The following GALNTL6 variants were observed in gnomAD, a reference collection of about 807,000 sequenced individuals.
The protein encoded by GALNTL6 is polypeptide N-acetylgalactosaminyltransferase-like 6.
Under a neutral mutation model 73.7 loss-of-function variants are expected in GALNTL6, and 46 were observed. The ratio of observed to expected loss-of-function variants is 0.62; its 90% CI spans 0.49 to 0.80. The LOEUF (loss-of-function observed/expected upper bound fraction) is 0.80, where lower values mean the gene tolerates loss of function less well. Among genes scored for constraint, GALNTL6 ranks in the 30% least tolerant of loss-of-function variants. GALNTL6 has a pLI of 0.00. For missense variants in GALNTL6, 604 were observed against 755.0 expected (o/e 0.80, Z 2.34); for synonymous variants, 259 against 263.7 (o/e 0.98, Z 0.17).
At chr4:172,109,058 G>A (rs1342161824) in intron 2 of GALNTL6, among the ~76,000 whole-genome samples, 2 of 150,218 alleles carry the variant, frequency 1.3e-5, no homozygotes, top group Non-Finnish European at 3.0e-5. Context: ...TTGAATTTGG[G>A]AATTTTGGGT....
intron 5 of GALNTL6, among the ~76,000 whole-genome samples, chr4:172,581,430 A>C (rs1409388665): frequency 6.6e-6 from 1 of 152,086 alleles, no homozygotes; most frequent in Non-Finnish European, 1.5e-5. Flanking sequence ...CCAGTCTTCG[A>C]GTTCATCATG....
intron 2 of GALNTL6, among the ~76,000 whole-genome samples, chr4:172,108,768 T>G (rs983772946): frequency 2.0e-5 from 3 of 151,962 alleles, no homozygotes; most frequent in Non-Finnish European, 4.4e-5. Flanking sequence ...TCCCAGCACT[T>G]TGGGAGGCTG....
intron 7 of GALNTL6, among the ~76,000 whole-genome samples, chr4:172,831,231 C>CAAAT (rs1165776469): frequency 6.9e-6 from 1 of 144,074 alleles, no homozygotes; most frequent in Non-Finnish European, 1.5e-5. Flanking sequence ...ATTTACCACG[C>CAAAT]AAATATATGG....
intron 5 of GALNTL6, chr4:172,668,730 G>T (rs1731806497): frequency 6.6e-6 from 1 of 152,110 alleles, no homozygotes; most frequent in African/African-American, 2.4e-5. Context: ...GAAAGTAACA[G>T]AAAAAGAGCT....
At chr4:172,923,047 C>T (rs1159300447) in intron 8 of GALNTL6, among the ~76,000 whole-genome samples, 1 of 152,178 alleles carries the variant, frequency 6.6e-6, no homozygotes, top group African/African-American at 2.4e-5. Context: ...GCAGGAAGGA[C>T]CGCTCCTTAA....
intron 5 of GALNTL6, among the ~76,000 whole-genome samples, chr4:172,492,043 C>A (rs1030043755): frequency 1.3e-5 from 2 of 151,508 alleles, no homozygotes; most frequent in Admixed American, 6.6e-5. Flanking sequence ...GCTATAGGGT[C>A]ATAACAATGG....
intron 3 of GALNTL6, among the ~76,000 whole-genome samples, chr4:172,243,198 T>G (rs1414573143): frequency 6.6e-6 from 1 of 152,174 alleles, no homozygotes; most frequent in East Asian, 1.9e-4. Context: ...CTGCTCTTGC[T>G]ACTTTGAGCA....
Position 171,814,568 on chromosome 4 carries a change from G to C in GALNTL6, c.-13G>C. ...CCATCTCCTTTAACTTTTCTTCTCT[G>C]TTACCATTTGCAATGAAGAGGAAAC... On this transcript the variant is annotated 5_prime_UTR_variant, in exon 2 of 13. Transcript: ENST00000506823. 1 of 1,613,814 alleles carries C rather than the reference G, an allele frequency of 6.2e-7. No homozygotes were observed. Among genetic ancestry groups the C allele is most frequent in the South Asian group, 1.1e-5 (1 of 91,078 alleles).
intron 5 of GALNTL6, among the ~76,000 whole-genome samples, chr4:172,461,520 T>G (rs1405430571): frequency 6.6e-6 from 1 of 152,208 alleles, no homozygotes; most frequent in East Asian, 1.9e-4. Context: ...CTGCTTCTTG[T>G]TGTAGACACT....
chr4:172,893,190 C>G (rs975065894), intron 8 of GALNTL6, among the ~76,000 whole-genome samples: 7 of 152,128 alleles, frequency 4.6e-5, no homozygotes, highest in Non-Finnish European at 1.0e-4. Flanking sequence ...CTGGGCAGTT[C>G]CAGGTGTTCC....
chr4:171,940,651 G>A (rs746047615), intron 2 of GALNTL6, among the ~76,000 whole-genome samples: 18 of 151,596 alleles, frequency 1.2e-4, no homozygotes, highest in Admixed American at 1.3e-4. Flanking sequence ...GTGAAACCAC[G>A]TCTCTACTAA....
At chr4:172,522,253 T>G (rs1734799299) in intron 5 of GALNTL6, among the ~76,000 whole-genome samples, 1 of 152,218 alleles carries the variant, frequency 6.6e-6, no homozygotes. Context: ...CTTTTCACAA[T>G]AAAAGTAATT....
intron 5 of GALNTL6, among the ~76,000 whole-genome samples, chr4:172,757,879 G>A (rs551636468): frequency 6.6e-6 from 1 of 152,142 alleles, no homozygotes; most frequent in Non-Finnish European, 1.5e-5. Context: ...ATAGAAAAAG[G>A]TACAGAGAAT....
intron 5 of GALNTL6, among the ~76,000 whole-genome samples, chr4:172,478,099 A>G (rs184071447): frequency 6.6e-6 from 1 of 152,160 alleles, no homozygotes; most frequent in Non-Finnish European, 1.5e-5. Context: ...CATTACTACA[A>G]TCTACAGATT....
intron 2 of GALNTL6, among the ~76,000 whole-genome samples, chr4:172,113,285 A>G (rs13146120): frequency 0.014 from 2,106 of 152,160 alleles, 49 homozygotes; most frequent in African/African-American, 0.046. Flanking sequence ...TTAATCTATC[A>G]GTGATTAGCA....
At chr4:172,775,103 T>G (rs1318313565) in intron 5 of GALNTL6, among the ~76,000 whole-genome samples, 1 of 152,068 alleles carries the variant, frequency 6.6e-6, no homozygotes, top group Admixed American at 6.6e-5. Flanking sequence ...TAAGGAAACC[T>G]GTTTTTCTCA....
chr4:172,488,791 A>C (rs1458180801), intron 5 of GALNTL6, among the ~76,000 whole-genome samples: 2 of 144,428 alleles, frequency 1.4e-5, no homozygotes, highest in Non-Finnish European at 3.0e-5. Flanking sequence ...ACAGTGGGTA[A>C]GCACTCCGTA....
rs543158701 is a variant in GALNTL6, at chr4:171,933,979, C to T, written c.138+119261C>T. Among the ~76,000 whole-genome samples, 91 of 152,214 alleles carry T rather than the reference C, an allele frequency of 6.0e-4. 3 individuals carry two copies. Among genetic ancestry groups the T allele is most frequent in the Admixed American group, 5.5e-3 (84 of 15,290 alleles). The stretch of plus-strand genomic sequence containing the variant: ...GGGTTTTCAAATGTTATAAACACCA[C>T]GGGACTTTTTAAAATTTACATTCCT... On this transcript the variant is annotated intron_variant, in intron 2 of 12. Transcript: ENST00000506823.
intron 5 of GALNTL6, among the ~76,000 whole-genome samples, chr4:172,488,937 C>A (rs926947089): frequency 3.9e-5 from 6 of 152,136 alleles, no homozygotes; most frequent in African/African-American, 1.4e-4. Context: ...GCAACACTGG[C>A]ATTTCTGAAT....
Sources: gnomAD v4.1 joint callset for allele counts (sites outside exome capture counted in the v4.1 genomes callset) on GRCh38, gnomAD v4.1.1 for gene constraint, MANE v1.5 for transcripts, NCBI Gene and HGNC (gene_info 2026-07-23, HGNC 2026-07-21) for gene names.